SEMA3E: variants seen among roughly 807,000 people sequenced by gnomAD.
The protein encoded by SEMA3E is semaphorin-3E.
In SEMA3E, 49 loss-of-function variants were observed where a neutral mutation model predicts 93.6. The observed-to-expected ratio is 0.52, with a 90% confidence interval of 0.42 to 0.66. The LOEUF (loss-of-function observed/expected upper bound fraction) is 0.66, where lower values mean the gene tolerates loss of function less well. Ranked by LOEUF, SEMA3E falls within the 30% of genes least tolerant of loss-of-function variation. SEMA3E has a pLI of 0.00. For missense variants in SEMA3E, 906 were observed against 964.8 expected, an observed-to-expected ratio of 0.94 and a Z score of 0.81; for synonymous variants, 363 against 330.7, an observed-to-expected ratio of 1.10 and a Z score of -1.06.
intron 1 of SEMA3E, among the ~76,000 whole-genome samples, chr7:83,527,751 T>C (rs1012590260): frequency 7.0e-6 from 1 of 143,502 alleles, no homozygotes; most frequent in African/African-American, 2.6e-5. Flanking sequence ...TCATATATAT[T>C]GTCAATATTT....
intron 4 of SEMA3E, among the ~76,000 whole-genome samples, chr7:83,450,411 ATAAAT>A (rs1326730080): frequency 1.0e-5 from 1 of 98,730 alleles, no homozygotes; most frequent in African/African-American, 2.7e-5. Context: ...ATCCATGTAA[ATAAAT>A]TACAGTAATG....
chr7:83,573,668 T>C (rs1792334024), intron 1 of SEMA3E, among the ~76,000 whole-genome samples: 1 of 152,068 alleles, frequency 6.6e-6, no homozygotes, highest in Non-Finnish European at 1.5e-5. Context: ...TTCAGATTAC[T>C]TAATATCTAT....
intron 1 of SEMA3E, among the ~76,000 whole-genome samples, chr7:83,583,848 T>A (rs75012873): frequency 0.076 from 11,645 of 152,228 alleles, 612 homozygotes; most frequent in East Asian, 0.19. Flanking sequence ...TGAGTTGTGA[T>A]GCTTGATGCT....
chr7:83,403,978 G>T lies in SEMA3E; in HGVS notation c.999-1202C>A, dbSNP rs550669492. On this transcript the variant is annotated intron_variant, in intron 9 of 16. Coordinates refer to ENST00000643230, the MANE Select transcript of SEMA3E (RefSeq NM_012431.3). ...TGTCTTATGCTTGATTTCTCAGAAA[G>T]ATCCATTACGCTATCATTTAGGAAA... Among the ~76,000 whole-genome samples the T allele has an allele frequency of 3.2e-4, 49 of 151,992 alleles. 1 individual carries two copies. Among genetic ancestry groups the T allele is most frequent in the Middle Eastern group, 6.8e-3 (2 of 294 alleles).
At chr7:83,443,975 A>C (rs904835982) in intron 4 of SEMA3E, among the ~76,000 whole-genome samples, 2 of 151,876 alleles carry the variant, frequency 1.3e-5, no homozygotes, top group African/African-American at 4.8e-5. Context: ...GATTTCAATG[A>C]CTGCTGCCAG....
At chr7:83,645,177 G>A (rs1794063683) in intron 1 of SEMA3E, among the ~76,000 whole-genome samples, 1 of 151,990 alleles carries the variant, frequency 6.6e-6, no homozygotes, top group Admixed American at 6.6e-5. Flanking sequence ...ATCAACAGAA[G>A]GAAGTAGATG....
intron 2 of SEMA3E, among the ~76,000 whole-genome samples, chr7:83,471,841 G>A (rs1340451014): frequency 6.6e-6 from 1 of 151,920 alleles, no homozygotes; most frequent in African/African-American, 2.4e-5. Flanking sequence ...TCTTTGAAGG[G>A]AGCAAAAAAT....
chr7:83,639,131 A>C (rs1204053327), intron 1 of SEMA3E, among the ~76,000 whole-genome samples: 3 of 141,774 alleles, frequency 2.1e-5, no homozygotes, highest in Non-Finnish European at 3.1e-5. Flanking sequence ...AAAAAAAAAA[A>C]AAAAAAAAAC....
At chr7:83,529,790 T>A (rs1791248178) in intron 1 of SEMA3E, among the ~76,000 whole-genome samples, 2 of 152,130 alleles carry the variant, frequency 1.3e-5, no homozygotes, top group South Asian at 4.1e-4. Flanking sequence ...TCTAATTGGG[T>A]CAAGCATTTA....
chr7:83,542,221 A>G (rs62477044), intron 1 of SEMA3E, among the ~76,000 whole-genome samples: 33,316 of 151,710 alleles, frequency 0.22, 3,856 homozygotes, highest in East Asian at 0.39. Flanking sequence ...GCATGGTGGC[A>G]CACTCCTGTA....
intron 1 of SEMA3E, among the ~76,000 whole-genome samples, chr7:83,628,614 CTG>C (rs1251482030): frequency 6.6e-6 from 1 of 151,754 alleles, no homozygotes; most frequent in African/African-American, 2.4e-5. Flanking sequence ...AGTTCTCATG[CTG>C]TGTTTTTCAG....
At chr7:83,551,303 T>A (rs979790536) in intron 1 of SEMA3E, among the ~76,000 whole-genome samples, 2 of 151,962 alleles carry the variant, frequency 1.3e-5, no homozygotes, top group African/African-American at 4.8e-5. Context: ...GTTGGAAAAA[T>A]AACAAAATAT....
At chr7:83,444,808 C>G (rs1276696162) in intron 4 of SEMA3E, among the ~76,000 whole-genome samples, 2 of 151,800 alleles carry the variant, frequency 1.3e-5, no homozygotes. Context: ...GCAGCCGGGA[C>G]TACAGGCACA....
chr7:83,504,126 T>A (rs1584294087), intron 1 of SEMA3E, among the ~76,000 whole-genome samples: 1 of 152,206 alleles, frequency 6.6e-6, no homozygotes. Flanking sequence ...TAAAAATCTG[T>A]AGTTTTCAGA....
intron 1 of SEMA3E, among the ~76,000 whole-genome samples, chr7:83,587,096 A>G (rs1337144473): frequency 5.3e-5 from 8 of 152,208 alleles, no homozygotes; most frequent in Non-Finnish European, 1.0e-4. Flanking sequence ...TACCAAAGAG[A>G]AACTTAAAGA....
chr7:83,572,004 T>A (rs1792296847), intron 1 of SEMA3E, among the ~76,000 whole-genome samples: 1 of 152,104 alleles, frequency 6.6e-6, no homozygotes, highest in South Asian at 2.1e-4. Flanking sequence ...TACTTAGGAA[T>A]ACATCTAACT....
At chr7:83,539,210 G>T (rs778825641) in intron 1 of SEMA3E, among the ~76,000 whole-genome samples, 42 of 152,136 alleles carry the variant, frequency 2.8e-4, no homozygotes, top group Non-Finnish European at 5.4e-4. Flanking sequence ...TGGGAGCCCA[G>T]GGGGAAGCTG....
intron 1 of SEMA3E, among the ~76,000 whole-genome samples, chr7:83,523,463 C>T (rs1468381396): frequency 6.6e-6 from 1 of 151,994 alleles, no homozygotes; most frequent in African/African-American, 2.4e-5. Context: ...TCAGTCTCAC[C>T]AATCCATGAT....
chr7:83,370,382 G>A (rs180947620), intron 16 of SEMA3E, among the ~76,000 whole-genome samples: 115 of 152,044 alleles, frequency 7.6e-4, no homozygotes, highest in Middle Eastern at 3.4e-3. Context: ...ATTGTTGATC[G>A]TTTATACTTC....
Sources: allele counts gnomAD v4.1 joint callset (sites outside exome capture counted in the v4.1 genomes callset), GRCh38; gene constraint gnomAD v4.1.1; transcripts MANE v1.5; gene names NCBI Gene and HGNC (gene_info 2026-07-23, HGNC 2026-07-21).